CHLSN: variants seen among roughly 807,000 people sequenced by gnomAD.
The protein encoded by CHLSN is cholesin, also known as protein cholesin.
At chr7:1,116,863 C>A in the CHLSN span, among the ~76,000 whole-genome samples, 2 of 42,054 alleles carry the variant, frequency 4.8e-5, no homozygotes, top group African/African-American at 2.8e-4. Context: ...ATGACTGCAG[C>A]TCTACGGACC....
chr7:1,058,521 G>C, the CHLSN span: 2 of 776,478 alleles, frequency 2.6e-6, no homozygotes, highest in Non-Finnish European at 2.4e-6. Flanking sequence ...GGCGTAGGCG[G>C]CCCAGCCCTC....
chr7:1,041,598 CTG>C, the CHLSN span, among the ~76,000 whole-genome samples: 1 of 152,212 alleles, frequency 6.6e-6, no homozygotes, highest in African/African-American at 2.4e-5. Flanking sequence ...ATTTTATCAT[CTG>C]TAACGTCAGG....
chr7:983,090 C>G, the CHLSN span: 1 of 851,182 alleles, frequency 1.2e-6, no homozygotes, highest in East Asian at 3.3e-5. Context: ...GCAAACTGCT[C>G]GTTCCACATT....
the CHLSN span, chr7:984,678 G>A: frequency 1.4e-6 from 2 of 1,451,364 alleles, no homozygotes. Context: ...GGGTGGCCTG[G>A]GGAAGAGCAG....
chr7:1,006,238 G>C, the CHLSN span, among the ~76,000 whole-genome samples: 2 of 152,222 alleles, frequency 1.3e-5, no homozygotes, highest in Non-Finnish European at 2.9e-5. Context: ...GAAAAACAGA[G>C]CTGGGTGACC....
the CHLSN span, among the ~76,000 whole-genome samples, chr7:1,073,515 C>G: frequency 6.6e-6 from 1 of 152,058 alleles, no homozygotes; most frequent in Non-Finnish European, 1.5e-5. Flanking sequence ...TACTTTCTCA[C>G]AACTCCTTGA....
chr7:1,022,668 T>C, the CHLSN span, among the ~76,000 whole-genome samples: 18 of 152,134 alleles, frequency 1.2e-4, no homozygotes, highest in Non-Finnish European at 2.4e-4. Context: ...GTCTTCTTAA[T>C]GATCAGAAAC....
chr7:984,359 A>AC, the CHLSN span: 1 of 1,531,998 alleles, frequency 6.5e-7, no homozygotes, highest in Non-Finnish European at 8.7e-7. Context: ...AGGGGACCTA[A>AC]GGGGGGTCTT....
the CHLSN span, among the ~76,000 whole-genome samples, chr7:1,045,042 T>C: frequency 9.9e-5 from 15 of 152,190 alleles, no homozygotes; most frequent in Non-Finnish European, 1.0e-4. Context: ...TTAAAGTGAG[T>C]TTTGGATCTG....
At chr7:984,797 G>A in the CHLSN span, among the ~76,000 whole-genome samples, 3 of 152,204 alleles carry the variant, frequency 2.0e-5, no homozygotes, top group Admixed American at 6.5e-5. Context: ...GTCAAGAGGG[G>A]CCAGGGCCAG....
chr7:995,363 C>A, the CHLSN span, among the ~76,000 whole-genome samples: 1 of 152,218 alleles, frequency 6.6e-6, no homozygotes, highest in African/African-American at 2.4e-5. Flanking sequence ...ACTCCCCAGC[C>A]GGTGTCAGGG....
the CHLSN span, among the ~76,000 whole-genome samples, chr7:1,059,880 TC>T: frequency 2.1e-3 from 88 of 41,232 alleles, 1 homozygote; most frequent in African/African-American, 6.1e-3. Context: ...GTGGGGCGGG[TC>T]CGTAGTGAGG....
the CHLSN span, chr7:988,219 C>G: frequency 6.6e-7 from 1 of 1,523,342 alleles, no homozygotes; most frequent in Non-Finnish European, 8.9e-7. Flanking sequence ...CTTCCCAACC[C>G]AGGCCCCATC....
At chr7:1,138,108 C>A in the CHLSN span, 1 of 150,608 alleles carries the variant, frequency 6.6e-6, no homozygotes, top group African/African-American at 2.4e-5. Flanking sequence ...GGGGCGGAGC[C>A]CCGCGGGAGC....
the CHLSN span, among the ~76,000 whole-genome samples, chr7:1,131,527 G>T: frequency 6.6e-6 from 1 of 152,310 alleles, no homozygotes; most frequent in African/African-American, 2.4e-5. Context: ...AAAACCCCAA[G>T]CCCCTTATTC....
the CHLSN span, among the ~76,000 whole-genome samples, chr7:1,102,506 G>A: frequency 1.8e-4 from 27 of 152,334 alleles, no homozygotes; most frequent in South Asian, 5.4e-3. Flanking sequence ...CACAGGGGAC[G>A]GTCTTGCTTC....
the CHLSN span, among the ~76,000 whole-genome samples, chr7:1,050,173 G>GGCACCCTGTCCTTTCCCAGCCTGCCTGT: frequency 2.0e-4 from 31 of 152,348 alleles, no homozygotes; most frequent in African/African-American, 6.7e-4. Context: ...AGCACCACTG[G>GGCACCCTGTCCTTTCCCAGCCTGCCTGT]GCACCCTGTC....
At chr7:997,721 C>G in the CHLSN span, 1 of 1,611,750 alleles carries the variant, frequency 6.2e-7, no homozygotes, top group Non-Finnish European at 8.5e-7. Context: ...TCAGGGCTTC[C>G]GCCTTCTGCA....
At chr7:1,136,359 C>CATATATAA in the CHLSN span, among the ~76,000 whole-genome samples, 15 of 29,336 alleles carry the variant, frequency 5.1e-4, no homozygotes, top group African/African-American at 2.7e-3. Flanking sequence ...TATATATAAA[C>CATATATAA]ATATATATAA....
Sources: allele counts gnomAD v4.1 joint callset (sites outside exome capture counted in the v4.1 genomes callset), GRCh38; gene constraint gnomAD v4.1.1; transcripts MANE v1.5; gene names NCBI Gene and HGNC (gene_info 2026-07-23, HGNC 2026-07-21).